Variants in GABRB1 observed in about 807,000 individuals in gnomAD.
GABRB1 encodes the protein gamma-aminobutyric acid type A receptor subunit beta1.
Under a neutral mutation model 51.6 loss-of-function variants are expected in GABRB1, and 17 were observed. The observed-to-expected ratio is 0.33, with a 90% CI of 0.23 to 0.49. The LOEUF is 0.49. GABRB1 is among the 20% of genes least tolerant of loss of function. The pLI is 0.99. For missense variants in GABRB1, 410 were observed against 600.6 expected (o/e 0.68, Z 3.32); for synonymous variants, 247 against 218.9 (o/e 1.13, Z -1.14).
intron 5 of GABRB1, among the ~76,000 whole-genome samples, chr4:47,360,355 A>C (rs17600442): frequency 0.048 from 7,329 of 152,038 alleles, 262 homozygotes; most frequent in East Asian, 0.15. Flanking sequence ...GCTGCAACTC[A>C]GAGTTTTTTT....
At chr4:47,211,230 A>T (rs1283881875) in intron 4 of GABRB1, among the ~76,000 whole-genome samples, 2 of 152,142 alleles carry the variant, frequency 1.3e-5, no homozygotes, top group Non-Finnish European at 1.5e-5. Context: ...TACTCACTGT[A>T]GCTTAGCTGT....
chr4:47,102,734 C>T (rs1375633842), intron 3 of GABRB1, among the ~76,000 whole-genome samples: 1 of 151,782 alleles, frequency 6.6e-6, no homozygotes, highest in African/African-American at 2.4e-5. Context: ...AGAGGAGGTG[C>T]CAGCACATGG....
At chr4:47,407,339 CA>C (rs1173819043) in intron 8 of GABRB1, among the ~76,000 whole-genome samples, 2 of 152,164 alleles carry the variant, frequency 1.3e-5, no homozygotes, top group African/African-American at 4.8e-5. Flanking sequence ...AATGGCTTTA[CA>C]ACTTCAGCCA....
intron 3 of GABRB1, among the ~76,000 whole-genome samples, chr4:47,150,048 T>C (rs1717356238): frequency 1.3e-5 from 2 of 151,988 alleles, no homozygotes; most frequent in South Asian, 4.1e-4. Flanking sequence ...AAAATGATGG[T>C]TCCAAAGGAG....
intron 5 of GABRB1, among the ~76,000 whole-genome samples, chr4:47,394,283 A>T (rs1728106253): frequency 6.6e-6 from 1 of 152,230 alleles, no homozygotes; most frequent in Non-Finnish European, 1.5e-5. Context: ...TTCAATTGGG[A>T]CAAGAGCAAA....
At chr4:47,116,538 T>C (rs1056892916) in intron 3 of GABRB1, among the ~76,000 whole-genome samples, 15 of 152,238 alleles carry the variant, frequency 9.9e-5, no homozygotes, top group African/African-American at 3.1e-4. Context: ...AGCAGCATTG[T>C]CACTGCTAAA....
intron 1 of GABRB1, among the ~76,000 whole-genome samples, chr4:47,007,134 T>C (rs1724427423): frequency 8.2e-6 from 1 of 121,576 alleles, no homozygotes; most frequent in African/African-American, 2.9e-5. Flanking sequence ...AGCGAGACCC[T>C]GTTTGGATAA....
chr4:47,149,454 G>C (rs1717328946), intron 3 of GABRB1, among the ~76,000 whole-genome samples: 1 of 151,966 alleles, frequency 6.6e-6, no homozygotes, highest in Non-Finnish European at 1.5e-5. Flanking sequence ...CTGAGTTTCA[G>C]AGTAGTTGAT....
chr4:47,210,049 T>C (rs1442105), intron 4 of GABRB1, among the ~76,000 whole-genome samples: 107,933 of 151,804 alleles, frequency 0.71, 38,782 homozygotes, highest in Middle Eastern at 0.86. Context: ...GTTCACTGCT[T>C]ATTCCAGTTC....
intron 4 of GABRB1, among the ~76,000 whole-genome samples, chr4:47,275,389 G>A (rs190117911): frequency 3.1e-4 from 47 of 152,252 alleles, no homozygotes; most frequent in African/African-American, 9.4e-4. Context: ...AAAGCCCTGC[G>A]TTCCTGTCCT....
chr4:47,155,607 C>T (rs921712435), intron 3 of GABRB1, among the ~76,000 whole-genome samples: 3 of 151,830 alleles, frequency 2.0e-5, no homozygotes, highest in Non-Finnish European at 4.4e-5. Flanking sequence ...CTCACTTTTG[C>T]AGCTCACTGT....
intron 8 of GABRB1, among the ~76,000 whole-genome samples, chr4:47,410,577 T>C (rs1728728666): frequency 6.6e-6 from 1 of 152,112 alleles, no homozygotes; most frequent in Non-Finnish European, 1.5e-5. Flanking sequence ...TTCCTGGAAA[T>C]TTTAGAAGTG....
intron 3 of GABRB1, among the ~76,000 whole-genome samples, chr4:47,073,005 T>C (rs905040347): frequency 1.1e-4 from 16 of 152,188 alleles, no homozygotes; most frequent in Non-Finnish European, 1.9e-4. Context: ...ATTCTTATTA[T>C]AGACCTATAG....
chr4:47,238,705 G>A (rs904473793), intron 4 of GABRB1, among the ~76,000 whole-genome samples: 3 of 152,032 alleles, frequency 2.0e-5, no homozygotes, highest in African/African-American at 7.2e-5. Flanking sequence ...CCTAAGTGTC[G>A]AAAAGTTTTG....
chr4:47,336,898 T>A (rs977664286), intron 5 of GABRB1, among the ~76,000 whole-genome samples: 3 of 151,840 alleles, frequency 2.0e-5, no homozygotes, highest in Admixed American at 1.3e-4. Flanking sequence ...TGGGAGTGAG[T>A]GGTGAGGTGA....
At chr4:47,151,738 C>T (rs1009776317) in intron 3 of GABRB1, among the ~76,000 whole-genome samples, 1 of 151,922 alleles carries the variant, frequency 6.6e-6, no homozygotes, top group Non-Finnish European at 1.5e-5. Flanking sequence ...GTGTCATATT[C>T]CATTATGTGG....
At chr4:47,364,421 A>G (rs949465310) in intron 5 of GABRB1, among the ~76,000 whole-genome samples, 1 of 152,166 alleles carries the variant, frequency 6.6e-6, no homozygotes, top group African/African-American at 2.4e-5. Context: ...GATGGAGAAC[A>G]AGAAGAGGAA....
At chr4:47,348,806 A>T (rs1220359756) in intron 5 of GABRB1, among the ~76,000 whole-genome samples, 1 of 152,220 alleles carries the variant, frequency 6.6e-6, no homozygotes, top group Non-Finnish European at 1.5e-5. Context: ...ACTCCGATAA[A>T]TTAAAGAAAA....
intron 3 of GABRB1, among the ~76,000 whole-genome samples, chr4:47,070,622 G>A (rs1189768153): frequency 1.3e-5 from 2 of 152,100 alleles, no homozygotes; most frequent in Non-Finnish European, 2.9e-5. Context: ...ATGAGCCACC[G>A]CGCCCGGCCT....
Sources: gnomAD v4.1 joint callset for allele counts (sites outside exome capture counted in the v4.1 genomes callset) on GRCh38, gnomAD v4.1.1 for gene constraint, MANE v1.5 for transcripts, NCBI Gene and HGNC (gene_info 2026-07-23, HGNC 2026-07-21) for gene names.